YTHDF2: variants seen among roughly 807,000 people sequenced by gnomAD.
YTHDF2 encodes the protein YTH N6-methyladenosine RNA binding protein F2, also known as YTH domain-containing family protein 2.
YTHDF2 carries 2 observed loss-of-function variants against 50.4 expected under a neutral mutation model. The observed-to-expected ratio is 0.04, with a 90% CI of 0.02 to 0.12. YTHDF2 has a LOEUF of 0.12. Among genes scored for constraint, YTHDF2 ranks in the 10% least tolerant of loss-of-function variants. The pLI is 1.00. For synonymous variants in YTHDF2, 217 were observed against 255.6 expected (o/e 0.85, Z 1.44); for missense variants, 483 against 722.6 (o/e 0.67, Z 3.80).
intron 4 of YTHDF2, among the ~76,000 whole-genome samples, chr1:28,760,825 C>T (rs2088112538): frequency 6.6e-6 from 1 of 152,180 alleles, no homozygotes; most frequent in African/African-American, 2.4e-5. Flanking sequence ...GGTGATCCGC[C>T]TGCCTCTGCC....
intron 2 of YTHDF2, 125 bp downstream of exon 2, chr1:28,737,807 A>G (rs928804833): frequency 2.6e-6 from 3 of 1,143,648 alleles, no homozygotes; most frequent in East Asian, 2.5e-5. Context: ...GGTGCCGCAC[A>G]CTTAAGTATT....
At chr1:28,754,735 C>T (rs940475469) in intron 4 of YTHDF2, among the ~76,000 whole-genome samples, 8 of 151,766 alleles carry the variant, frequency 5.3e-5, no homozygotes, top group Non-Finnish European at 1.0e-4. Context: ...AACCAGAAGG[C>T]GGCAGTTGCA....
At chr1:28,761,266 C>G (rs944414479) in intron 4 of YTHDF2, among the ~76,000 whole-genome samples, 1 of 151,298 alleles carries the variant, frequency 6.6e-6, no homozygotes, top group African/African-American at 2.4e-5. Flanking sequence ...TTCTAAGTAG[C>G]TGGGACCACA....
intron 4 of YTHDF2, among the ~76,000 whole-genome samples, chr1:28,754,925 C>A (rs139724674): frequency 2.2e-5 from 3 of 138,238 alleles, no homozygotes; most frequent in African/African-American, 8.3e-5. Flanking sequence ...TACAGTGAGC[C>A]GAGATCGCAA....
chr1:28,748,799 C>T (rs760568728), intron 4 of YTHDF2, among the ~76,000 whole-genome samples: 1 of 152,178 alleles, frequency 6.6e-6, no homozygotes, highest in Non-Finnish European at 1.5e-5. Context: ...GTTAAGTATT[C>T]CCTATGACAT....
chr1:28,757,664 CTA>C (rs1466964276), intron 4 of YTHDF2, among the ~76,000 whole-genome samples: 1 of 152,142 alleles, frequency 6.6e-6, no homozygotes, highest in Non-Finnish European at 1.5e-5. Context: ...AATGTGCAAA[CTA>C]TAAATATTTG....
chr1:28,750,276 A>G (rs887726030), intron 4 of YTHDF2, among the ~76,000 whole-genome samples: 1 of 152,178 alleles, frequency 6.6e-6, no homozygotes, highest in Non-Finnish European at 1.5e-5. Flanking sequence ...GGCATGAGCC[A>G]CCATGCCCAG....
chr1:28,764,606 G>T (rs1185338045), intron 4 of YTHDF2, among the ~76,000 whole-genome samples: 1 of 150,520 alleles, frequency 6.6e-6, no homozygotes, highest in Non-Finnish European at 1.5e-5. Context: ...ATGGGGTTTT[G>T]CCATGTTGGC....
upstream of YTHDF2, chr1:28,736,834 TCGCGCCGCG>T (rs147949909): frequency 8.5e-3 from 3,267 of 384,142 alleles, 40 homozygotes; most frequent in Middle Eastern, 0.028. Flanking sequence ...GAGTCAGCGC[TCGCGCCGCG>T]CGCGCCGCCC....
intron 4 of YTHDF2, among the ~76,000 whole-genome samples, chr1:28,758,122 C>T (rs2088062290): frequency 6.6e-6 from 1 of 151,988 alleles, no homozygotes; most frequent in Non-Finnish European, 1.5e-5. Context: ...AAATTGCTAA[C>T]TGGCCGGGTG....
intron 4 of YTHDF2, among the ~76,000 whole-genome samples, chr1:28,750,872 C>T (rs1352925081): frequency 6.6e-6 from 1 of 151,852 alleles, no homozygotes; most frequent in Non-Finnish European, 1.5e-5. Flanking sequence ...ATGAGCACAT[C>T]ACTTGAGCCT....
intron 4 of YTHDF2, among the ~76,000 whole-genome samples, chr1:28,767,005 AT>A (rs549118209): frequency 2.9e-3 from 385 of 131,772 alleles, no homozygotes; most frequent in Middle Eastern, 7.8e-3. Flanking sequence ...TAATTAAAAG[AT>A]TTTTTTTTTT....
intron 4 of YTHDF2, among the ~76,000 whole-genome samples, chr1:28,767,909 A>T (rs1403023213): frequency 6.8e-6 from 1 of 147,092 alleles, no homozygotes; most frequent in Non-Finnish European, 1.5e-5. Context: ...TGTAAAATTT[A>T]AAAAATTCTG....
At chr1:28,748,761 TTC>T in intron 4 of YTHDF2, among the ~76,000 whole-genome samples, 1 of 152,362 alleles carries the variant, frequency 6.6e-6, no homozygotes, top group African/African-American at 2.4e-5. Flanking sequence ...TGTGTGACCT[TTC>T]TGCGTTTATT....
rs1400104378 is a variant in YTHDF2, at chr1:28,769,133, A to G, written c.*181A>G. On this transcript the variant is annotated 3_prime_UTR_variant, in exon 5 of 5. Coordinates refer to ENST00000373812, the MANE Select transcript of YTHDF2 (RefSeq NM_016258.3). ...TAGGACTTAACTGGAAAATGAAAAA[A>G]AAAAGAAAAAGAAAAAACTAAACAA... 4 of 429,886 alleles carry G rather than the reference A, an allele frequency of 9.3e-6. No individual in the cohort carries two copies. Among genetic ancestry groups the G allele is most frequent in the Non-Finnish European group, 8.1e-6 (2 of 246,184 alleles). The allele number at this position is 429,886 out of a possible 1,614,324, so 26.6% of individuals were successfully genotyped here. A position where few individuals can be genotyped will look rare whatever the true frequency, so the allele number is the denominator to read the frequency against.
At chr1:28,767,142 T>C (rs563559463) in intron 4 of YTHDF2, among the ~76,000 whole-genome samples, 2 of 151,998 alleles carry the variant, frequency 1.3e-5, no homozygotes, top group Non-Finnish European at 2.9e-5. Flanking sequence ...CACTTCTGGC[T>C]GTTTTGGTAT....
chr1:28,749,668 G>GAGGACAA (rs2087919244), intron 4 of YTHDF2, among the ~76,000 whole-genome samples: 2 of 152,142 alleles, frequency 1.3e-5, no homozygotes, highest in African/African-American at 4.8e-5. Flanking sequence ...GTCAAGTAGA[G>GAGGACAA]AGGACAAAGG....
At chr1:28,752,771 A>G in intron 4 of YTHDF2, among the ~76,000 whole-genome samples, 1 of 148,780 alleles carries the variant, frequency 6.7e-6, no homozygotes, top group East Asian at 2.2e-4. Context: ...TGTCCTGCAC[A>G]GTGGCTCACA....
chr1:28,763,184 G>A (rs1174859675), intron 4 of YTHDF2, among the ~76,000 whole-genome samples: 1 of 152,168 alleles, frequency 6.6e-6, no homozygotes, highest in African/African-American at 2.4e-5. Context: ...GTGGATGGGT[G>A]GATAGAGATG....
Sources: gnomAD v4.1 joint callset for allele counts (sites outside exome capture counted in the v4.1 genomes callset) on GRCh38, gnomAD v4.1.1 for gene constraint, MANE v1.5 for transcripts, NCBI Gene and HGNC (gene_info 2026-07-23, HGNC 2026-07-21) for gene names.